The following SLC22A8 variants were observed in gnomAD, a reference collection of about 807,000 sequenced individuals.
SLC22A8 encodes solute carrier family 22 member 8.
A neutral mutation model predicts 48.4 loss-of-function variants in SLC22A8; 40 were observed. The observed-to-expected ratio is 0.83, with a 90% CI of 0.64 to 1.08. The LOEUF is 1.08. Among genes scored for constraint, SLC22A8 ranks in the 50% least tolerant of loss-of-function variants. The pLI, the probability that SLC22A8 is intolerant of heterozygous loss-of-function variation, is 0.00. For missense variants in SLC22A8, 606 were observed against 699.0 expected, an observed-to-expected ratio of 0.87 and a Z score of 1.50; for synonymous variants, 268 against 286.3, an observed-to-expected ratio of 0.94 and a Z score of 0.65.
At chr11:63,008,647 C>T (rs1021299143) in intron 2 of SLC22A8, among the ~76,000 whole-genome samples, 1 of 152,142 alleles carries the variant, frequency 6.6e-6, no homozygotes, top group African/African-American at 2.4e-5. Flanking sequence ...AAACAATAGG[C>T]ACTCAATTCA....
chr11:62,996,623 G>A (rs1401738385), intron 5 of SLC22A8, among the ~76,000 whole-genome samples: 1 of 152,234 alleles, frequency 6.6e-6, no homozygotes. Flanking sequence ...CTAAGGTGAG[G>A]TCAGGGACTA....
intron 2 of SLC22A8, among the ~76,000 whole-genome samples, chr11:63,010,552 T>A (rs2086607244): frequency 6.6e-6 from 1 of 152,098 alleles, no homozygotes; most frequent in African/African-American, 2.4e-5. Flanking sequence ...GATGAAAGGG[T>A]TCTGCCCTTG....
chr11:62,995,969 G>T (rs1288119772), intron 6 of SLC22A8, 60 bp downstream of exon 6: 4 of 1,611,438 alleles, frequency 2.5e-6, no homozygotes, highest in Middle Eastern at 1.7e-4. Flanking sequence ...CAAGGGGAGG[G>T]GCCAGCCCAA....
intron 5 of SLC22A8, 95 bp downstream of exon 5, chr11:62,998,826 G>T: frequency 1.8e-6 from 2 of 1,102,738 alleles, no homozygotes; most frequent in Non-Finnish European, 2.7e-6. Flanking sequence ...CTGGGTGCCC[G>T]GGGACACAGA....
Position 63,000,840 on chromosome 11 carries a change from T to C in SLC22A8, c.334-17A>G, listed in dbSNP as rs1229327447. 2.5e-6 allele frequency: 4 copies of C among 1,595,762 alleles called. No individual in the cohort carries two copies. Among genetic ancestry groups the C allele is most frequent in the African/African-American group, 1.3e-5 (1 of 74,572 alleles). ...CAAGTCCCACTGCACAAGAGAAAGG[T>C]AGGGCTAGCCTAACTCAGTGTAGAC... On this transcript the variant is annotated splice_polypyrimidine_tract_variant and intron_variant, in intron 2 of 10. Coordinates refer to ENST00000336232, the MANE Select transcript of SLC22A8 (RefSeq NM_004254.4).
intron 4 of SLC22A8, 170 bp from the exon 5 acceptor site, chr11:62,999,259 C>T: frequency 5.1e-6 from 3 of 587,074 alleles, no homozygotes; most frequent in Non-Finnish European, 9.1e-6. Flanking sequence ...ACCCTAAGTT[C>T]ATCATCCCCA....
intron 2 of SLC22A8, among the ~76,000 whole-genome samples, chr11:63,003,626 C>T (rs551213882): frequency 1.1e-3 from 167 of 152,172 alleles, no homozygotes; most frequent in Non-Finnish European, 2.2e-3. Context: ...TTCATTCACC[C>T]CTTCTTCCAT....
chr11:63,014,224 C>T (rs1007755975), intron 2 of SLC22A8, among the ~76,000 whole-genome samples: 1 of 152,202 alleles, frequency 6.6e-6, no homozygotes, highest in Admixed American at 6.5e-5. Flanking sequence ...CCCTCACTCT[C>T]ACACCCACCC....
rs1188289375 is a variant in SLC22A8 at position 62,995,724 on chromosome 11, G to A, written c.981C>T (p.Thr327=). The A allele has an allele frequency of 6.2e-7, 1 of 1,613,942 alleles. No homozygotes were observed. The highest frequency in any genetic ancestry group is 8.5e-7 in the Non-Finnish European group (1 of 1,179,830). ...LFRIPMLRRM[T]FCLSLAWFAT... ...GTTACCAGGCCAGGGAAAGACAGAA[G>A]GTCATGCGGCGCAGCATGGGTATCC... The change falls in exon 7 of 11, where the codon ACC becomes ACT. Residue 327 remains threonine (T), a synonymous_variant. Coordinates refer to ENST00000336232, the MANE Select transcript of SLC22A8 (RefSeq NM_004254.4).
At chr11:63,004,972 T>C (rs1275809082) in intron 2 of SLC22A8, among the ~76,000 whole-genome samples, 1 of 152,228 alleles carries the variant, frequency 6.6e-6, no homozygotes, top group Non-Finnish European at 1.5e-5. Flanking sequence ...CTAGGCTGTA[T>C]GTGCTGAGGA....
intron 8 of SLC22A8, chr11:62,994,152 CAACT>C: frequency 5.6e-6 from 3 of 537,616 alleles, no homozygotes; most frequent in Non-Finnish European, 3.3e-6. Context: ...TGTTATCAAC[CAACT>C]AACACCCATA....
chr11:62,994,906 T>C (rs533098506), intron 7 of SLC22A8, 150 bp from the exon 8 acceptor site: 17 of 665,914 alleles, frequency 2.6e-5, no homozygotes, highest in Non-Finnish European at 4.3e-5. Context: ...CTTTTGAGGT[T>C]TCTGAGATCG....
chr11:62,996,532 T>C (rs113552088), intron 5 of SLC22A8, among the ~76,000 whole-genome samples: 20 of 152,304 alleles, frequency 1.3e-4, no homozygotes, highest in African/African-American at 4.1e-4. Context: ...TCCCCAGCCT[T>C]CCTTGGGCTG....
chr11:63,006,148 T>G (rs1243242997), intron 2 of SLC22A8, among the ~76,000 whole-genome samples: 2 of 152,188 alleles, frequency 1.3e-5, no homozygotes, highest in Non-Finnish European at 2.9e-5. Context: ...GATGTCTTGA[T>G]TATTACTCAG....
chr11:62,994,239 G>A lies in SLC22A8; in HGVS notation c.1216+303C>T, dbSNP rs539051074. 1.0e-4 allele frequency: 54 copies of A among 524,530 alleles called. No individual in the cohort carries two copies. In the East Asian group the frequency reaches 1.4e-3, roughly 13 times the overall value. 32.5% of individuals were successfully genotyped at this position (524,530 alleles called of 1,614,324 possible). ...GTCTTTCTTGAGCATGAGCTCTGTC[G>A]TTTTACCATCTCAGCTTATCTCTAC... On this transcript the variant is annotated intron_variant, in intron 8 of 10. Transcript: ENST00000336232.
intron 2 of SLC22A8, among the ~76,000 whole-genome samples, chr11:63,004,141 G>A (rs1358409959): frequency 6.6e-6 from 1 of 152,218 alleles, no homozygotes; most frequent in Non-Finnish European, 1.5e-5. Context: ...TCCACCATCT[G>A]AGACCAGATC....
At chr11:63,000,156 T>C (rs542195437) in intron 3 of SLC22A8, among the ~76,000 whole-genome samples, 15 of 152,242 alleles carry the variant, frequency 9.9e-5, no homozygotes, top group Admixed American at 3.9e-4. Flanking sequence ...CTACGCTGTG[T>C]CCCAAAACCT....
At chr11:62,995,600 A>T in intron 7 of SLC22A8, 104 bp downstream of exon 7, 2 of 794,060 alleles carry the variant, frequency 2.5e-6, no homozygotes, top group Non-Finnish European at 4.3e-6. Context: ...GGATTCTCTG[A>T]CTTCTCTTTC....
rs2086458283 is a variant in SLC22A8 at position 62,999,039 on chromosome 11, C to T, written c.643G>A (p.Gly215Arg). The T allele has an allele frequency of 3.1e-6, 5 of 1,614,144 alleles. No homozygotes were observed. Among genetic ancestry groups the T allele is most frequent in the Non-Finnish European group, 4.2e-6 (5 of 1,179,958 alleles). ...AACTGGCCAAAGGTGTAGCAGTACC[C>T]GAGTGCTGTCGACATGATGGCCCGC... is the stretch of plus-strand genomic sequence containing the variant. ...RMRAIMSTAL[G>R]YCYTFGQFIL... The change falls in exon 5 of 11, where the codon GGG becomes AGG. Residue 215 changes from glycine to arginine, a missense_variant. Gly to Arg is a moderately radical substitution (Grantham distance 125). Coordinates refer to ENST00000336232, the MANE Select transcript of SLC22A8 (RefSeq NM_004254.4).
Sources: gnomAD v4.1 joint callset for allele counts (sites outside exome capture counted in the v4.1 genomes callset) on GRCh38, gnomAD v4.1.1 for gene constraint, MANE v1.5 for transcripts, NCBI Gene and HGNC (gene_info 2026-07-23, HGNC 2026-07-21) for gene names.